STARD8: variants seen among roughly 807,000 people sequenced by gnomAD.
STARD8 encodes the protein StAR related lipid transfer domain containing 8, also known as stAR-related lipid transfer protein 8.
STARD8 carries 25 observed loss-of-function variants against 69.4 expected under a neutral mutation model. The ratio of observed to expected loss-of-function variants is 0.36; its 90% CI spans 0.26 to 0.50. STARD8 has a LOEUF of 0.50. Among genes scored for constraint, STARD8 ranks in the 20% least tolerant of loss-of-function variants. The pLI is 0.96. For missense variants in STARD8, 921 were observed against 932.5 expected (o/e 0.99, Z 0.16); for synonymous variants, 389 against 374.6 (o/e 1.04, Z -0.45).
intron 1 of STARD8, 126 bp from the exon 2 acceptor site, chrX:68,665,373 T>G (rs2079676569): frequency 1.3e-6 from 1 of 772,622 alleles, no homozygotes; most frequent in Admixed American, 2.8e-5. Context: ...TCCTTTTCTT[T>G]GGACCTCCAT....
Position 68,718,379 on chromosome X carries a change from C to G in STARD8, c.1465C>G (p.Pro489Ala). The G allele has an allele frequency of 1.7e-6, 2 of 1,205,028 alleles. No individual in the cohort carries two copies. The highest frequency in any genetic ancestry group is 6.0e-5 in the East Asian group (2 of 33,502). The change falls in exon 6 of 15, where the codon CCG becomes GCG. Residue 489 changes from proline (P) to alanine (A), a missense_variant. Pro to Ala is a conservative substitution (Grantham distance 27). Coordinates refer to ENST00000374599, the MANE Select transcript of STARD8 (RefSeq NM_001142503.3). ...QEEAEAPAPA[P>A]APAPAQDSEQ... Reference sequence around the variant, plus strand: ...AGAGGCTGAGGCCCCGGCCCCAGCCCCGGCCCCGGCCCCAGCCCAGGACAG... The same window carrying G: ...AGAGGCTGAGGCCCCGGCCCCAGCCGCGGCCCCGGCCCCAGCCCAGGACAG...
In STARD8 at chrX:68,651,992, C is replaced by T. The variant is rs937786421; in HGVS notation, c.45+4065C>T. Among the ~76,000 whole-genome samples, 128 of 107,403 alleles carry T rather than the reference C, an allele frequency of 1.2e-3. 1 individual carries two copies. The highest frequency in any genetic ancestry group is 4.1e-3 in the African/African-American group (120 of 29,368). 93.3% of individuals were successfully genotyped at this position (107,403 alleles called of 115,157 possible). ...CCTCCCGAGTAGCTGGAATTACAGG[C>T]GCCCGCCACCACGCCCAGCTAATTT... On this transcript the variant is annotated intron_variant, in intron 1 of 14. Transcript: ENST00000374599.
chrX:68,668,270 CTTTCTCTTTCTTTCTT>C (rs1487616763), intron 2 of STARD8, among the ~76,000 whole-genome samples: 2 of 77,102 alleles, frequency 2.6e-5, no homozygotes, highest in Non-Finnish European at 4.7e-5. Context: ...TTCTTTCTTT[CTTTCTCTTTCTTTCTT>C]TCTTTCTTTC....
chrX:68,677,546 G>A (rs910238549), intron 2 of STARD8, among the ~76,000 whole-genome samples: 2 of 111,372 alleles, frequency 1.8e-5, no homozygotes, highest in Non-Finnish European at 3.8e-5. Flanking sequence ...CCCCAGAGTC[G>A]TGCTACACCT....
chrX:68,665,722 G>T (rs746302376), intron 2 of STARD8, among the ~76,000 whole-genome samples, 190 bp downstream of exon 2: 1 of 112,151 alleles, frequency 8.9e-6, no homozygotes, highest in Non-Finnish European at 1.9e-5. Flanking sequence ...TTTGGCTCAC[G>T]TGCAGAGCCT....
At chrX:68,666,024 G>T (rs114759383) in intron 2 of STARD8, among the ~76,000 whole-genome samples, 2,842 of 111,469 alleles carry the variant, frequency 0.025, 90 homozygotes, top group African/African-American at 0.088. Context: ...AGACTGAGGT[G>T]ATATATATAG....
chrX:68,719,187 C>T, intron 6 of STARD8, 38 bp from the exon 7 acceptor site: 2 of 1,142,130 alleles, frequency 1.8e-6, no homozygotes, highest in African/African-American at 1.8e-5. Context: ...AAACCTGCTC[C>T]TCTGGGCTTC....
rs758336513 is a variant in STARD8, at chrX:68,654,814, C to T, written c.45+6887C>T. ...TTGCCCATACCCCAGCCCCTCTCTG[C>T]CCCCAGGCCAGCTCTCAGCTTCCCA... On this transcript the variant is annotated intron_variant, in intron 1 of 14. Transcript: ENST00000374599. Among the ~76,000 whole-genome samples the T allele has an allele frequency of 2.7e-5, 3 of 112,053 alleles. No individual in the cohort carries two copies. In the South Asian group the frequency reaches 1.1e-3, roughly 42 times the overall value.
At chrX:68,652,030 G>C (rs867525921) in intron 1 of STARD8, among the ~76,000 whole-genome samples, 1 of 92,461 alleles carries the variant, frequency 1.1e-5, no homozygotes, top group African/African-American at 4.1e-5. Flanking sequence ...TTTTTTTTTT[G>C]TATTTTTAGT....
chrX:68,697,494 C>T lies in STARD8; in HGVS notation c.80-15420C>T, dbSNP rs7883406. On this transcript the variant is annotated intron_variant, in intron 2 of 14. Coordinates refer to ENST00000374599, the MANE Select transcript of STARD8 (RefSeq NM_001142503.3). ...CAGTTCTCACTCTCACACTTGCTTC[C>T]CCAGTCCAGGGCACCCAGGAGTTTG... is the stretch of plus-strand genomic sequence containing the variant. 8.2e-3 allele frequency among the ~76,000 whole-genome samples: 919 copies of T among 112,399 alleles called. 13 individuals are homozygous for T. Among genetic ancestry groups the T allele is most frequent in the African/African-American group, 0.029 (883 of 30,886 alleles).
At chrX:68,682,555 C>T (rs1049733584) in intron 2 of STARD8, among the ~76,000 whole-genome samples, 2 of 112,152 alleles carry the variant, frequency 1.8e-5, no homozygotes, top group African/African-American at 6.5e-5. Context: ...TTGGACTTTA[C>T]CAAGTATAGG....
chrX:68,677,428 G>A (rs1038382512), intron 2 of STARD8, among the ~76,000 whole-genome samples: 2 of 111,863 alleles, frequency 1.8e-5, no homozygotes, highest in Admixed American at 1.9e-4. Context: ...TTGACTGTAA[G>A]CATCTTTGAA....
intron 2 of STARD8, among the ~76,000 whole-genome samples, chrX:68,672,720 C>CA (rs1401297817): frequency 9.0e-6 from 1 of 110,978 alleles, no homozygotes; most frequent in African/African-American, 3.3e-5. Context: ...AGCGCCCCAC[C>CA]CCCCATGGCA....
At chrX:68,691,124 C>T (rs1378221142) in intron 2 of STARD8, among the ~76,000 whole-genome samples, 2 of 111,513 alleles carry the variant, frequency 1.8e-5, no homozygotes, top group South Asian at 3.7e-4. Flanking sequence ...CACACACACA[C>T]GCACACACAC....
At chrX:68,656,288 C>A (rs1467275734) in intron 1 of STARD8, 1 of 111,859 alleles carries the variant, frequency 8.9e-6, no homozygotes, top group Non-Finnish European at 1.9e-5. Context: ...CAGAGAAATG[C>A]AAATCAAAAC....
At chrX:68,721,435 C>A in intron 9 of STARD8, 101 bp from the exon 10 acceptor site, 6 of 918,910 alleles carry the variant, frequency 6.5e-6, no homozygotes, top group African/African-American at 5.8e-5. Flanking sequence ...TCACCGCTCC[C>A]CTTGGGACTG....
At chrX:68,696,904 T>C (rs1364172329) in intron 2 of STARD8, among the ~76,000 whole-genome samples, 1 of 111,331 alleles carries the variant, frequency 9.0e-6, no homozygotes, top group Non-Finnish European at 1.9e-5. Context: ...AATAATACCT[T>C]GGTGAGGACT....
At chrX:68,658,041 G>T (rs191385410) in intron 1 of STARD8, among the ~76,000 whole-genome samples, 1 of 110,903 alleles carries the variant, frequency 9.0e-6, no homozygotes, top group African/African-American at 3.3e-5. Flanking sequence ...AGTTGGAAGA[G>T]GCTGCAGATT....
intron 1 of STARD8, 116 bp downstream of exon 1, chrX:68,648,043 G>A: frequency 1.1e-6 from 1 of 917,245 alleles, no homozygotes; most frequent in Admixed American, 3.0e-5. Context: ...ACTACCTGAG[G>A]CTCTCGGAGT....
Sources: gnomAD v4.1 joint callset for allele counts (sites outside exome capture counted in the v4.1 genomes callset) on GRCh38, gnomAD v4.1.1 for gene constraint, MANE v1.5 for transcripts, NCBI Gene and HGNC (gene_info 2026-07-23, HGNC 2026-07-21) for gene names.